The following GRTP1 variants were observed in gnomAD, a reference collection of about 807,000 sequenced individuals.
The protein encoded by GRTP1 is growth hormone regulated TBC protein 1, also known as growth hormone-regulated TBC protein 1.
In GRTP1, 56 loss-of-function variants were observed where a neutral mutation model predicts 38.1. The ratio of observed to expected loss-of-function variants is 1.47; its 90% confidence interval spans 1.19 to 1.84. GRTP1 has a LOEUF of 1.84. GRTP1 is among the 40% of genes most tolerant of loss of function. The pLI is 0.00. For missense variants in GRTP1, 506 were observed against 453.9 expected, an observed-to-expected ratio of 1.11 and a Z score of -1.04; for synonymous variants, 217 against 189.5, an observed-to-expected ratio of 1.14 and a Z score of -1.19.
intron 5 of GRTP1, among the ~76,000 whole-genome samples, chr13:113,336,837 G>C (rs534183007): frequency 5.1e-4 from 77 of 152,074 alleles, no homozygotes; most frequent in African/African-American, 1.8e-3. Context: ...GATGCGTGAG[G>C]GTGAGAGGGC....
intron 5 of GRTP1, among the ~76,000 whole-genome samples, chr13:113,334,286 TCCCGCCCACCCTGCACTGCTACGACA>T (rs2042925094): frequency 1.2e-4 from 12 of 102,532 alleles, no homozygotes; most frequent in African/African-American, 3.1e-4. Context: ...CACGACAGCC[TCCCGCCCACCCTGCACTGCTACGACA>T]GCCTCCCGCT....
intron 4 of GRTP1, 115 bp from the exon 5 acceptor site, chr13:113,345,074 C>T: frequency 2.6e-6 from 3 of 1,161,080 alleles, no homozygotes; most frequent in Non-Finnish European, 2.3e-6. Context: ...CTCCTTAAAA[C>T]CTGCATAATT....
At chr13:113,361,845 A>G (rs757232748) in intron 2 of GRTP1, 4 of 152,222 alleles carry the variant, frequency 2.6e-5, no homozygotes, top group Admixed American at 6.5e-5. Flanking sequence ...TAAAATTAAA[A>G]GACAGTTAAC....
chr13:113,345,319 A>G (rs2043085177), intron 4 of GRTP1, among the ~76,000 whole-genome samples: 1 of 152,274 alleles, frequency 6.6e-6, no homozygotes, highest in Admixed American at 6.5e-5. Flanking sequence ...TGCCAGAGAG[A>G]AAATTATACC....
At chr13:113,346,913 C>T (rs866314982) in intron 4 of GRTP1, among the ~76,000 whole-genome samples, 4 of 638 alleles carry the variant, frequency 6.3e-3, no homozygotes, top group African/African-American at 7.6e-3. Context: ...TGGCTGAGAG[C>T]GGACCTGGGA....
intron 5 of GRTP1, among the ~76,000 whole-genome samples, chr13:113,331,283 A>C (rs956980750): frequency 1.3e-5 from 2 of 152,174 alleles, no homozygotes; most frequent in African/African-American, 4.8e-5. Context: ...GAGCCACAGG[A>C]TTGACCATGG....
chr13:113,326,620 G>A (rs879565096), intron 5 of GRTP1, among the ~76,000 whole-genome samples: 12 of 151,392 alleles, frequency 7.9e-5, no homozygotes, highest in Non-Finnish European at 1.3e-4. Flanking sequence ...GCAGTGGGCC[G>A]AGATCACACC....
intron 5 of GRTP1, among the ~76,000 whole-genome samples, chr13:113,336,076 GCCA>G (rs1168824351): frequency 6.6e-6 from 1 of 152,196 alleles, no homozygotes; most frequent in Non-Finnish European, 1.5e-5. Context: ...ACAGGCGACA[GCCA>G]CCACGCCTGG....
At chr13:113,346,039 TGTGGCCG>T (rs2043105250) in intron 4 of GRTP1, among the ~76,000 whole-genome samples, 1 of 86,702 alleles carries the variant, frequency 1.2e-5, no homozygotes, top group Non-Finnish European at 2.5e-5. Context: ...GGAAGACATC[TGTGGCCG>T]AGAGCAGACC....
At chr13:113,344,317 G>GGA (rs2043067063) in intron 5 of GRTP1, among the ~76,000 whole-genome samples, 1 of 152,180 alleles carries the variant, frequency 6.6e-6, no homozygotes, top group Non-Finnish European at 1.5e-5. Context: ...GACGGCAAAA[G>GGA]GCCCTCTGCC....
chr13:113,349,744 G>A lies in GRTP1; in HGVS notation c.465+1105C>T, dbSNP rs1462255219. Among the ~76,000 whole-genome samples the A allele has an allele frequency of 1.3e-5, 2 of 152,172 alleles. No individual in the cohort carries two copies. Among genetic ancestry groups the A allele is most frequent in the Non-Finnish European group, 2.9e-5 (2 of 68,032 alleles). On this transcript the variant is annotated intron_variant, in intron 4 of 7. Coordinates refer to ENST00000375431, the MANE Select transcript of GRTP1 (RefSeq NM_024719.4). The surrounding 1 kb of genome is among the most constrained non-coding windows in gnomAD (Gnocchi z 5.0). ...TCCTCGGGAGCATTCACTCTGCCAGGTGCCAGGCCCAGGGCTGTCCAGGCA... is the reference window on the plus strand; with the variant it reads ...TCCTCGGGAGCATTCACTCTGCCAGATGCCAGGCCCAGGGCTGTCCAGGCA...
At chr13:113,346,486 G>GGCAAAGAGCAGACCCAGGAGGA (rs1566430294) in intron 4 of GRTP1, among the ~76,000 whole-genome samples, 10 of 11,470 alleles carry the variant, frequency 8.7e-4, no homozygotes, top group African/African-American at 9.7e-4. Context: ...GGACCTCTGT[G>GGCAAAGAGCAGACCCAGGAGGA]CCTGACAGTG....
chr13:113,336,671 G>A (rs1030337466), intron 5 of GRTP1, among the ~76,000 whole-genome samples: 2 of 152,110 alleles, frequency 1.3e-5, no homozygotes, highest in African/African-American at 2.4e-5. Flanking sequence ...CTGGGAACAC[G>A]AGACCCCACC....
intron 5 of GRTP1, among the ~76,000 whole-genome samples, chr13:113,329,847 T>C (rs975183034): frequency 2.0e-5 from 3 of 152,200 alleles, no homozygotes; most frequent in Non-Finnish European, 4.4e-5. Flanking sequence ...ATTAACACAA[T>C]GGAAGTGACT....
intron 5 of GRTP1, among the ~76,000 whole-genome samples, chr13:113,333,339 A>C (rs1380695720): frequency 2.0e-5 from 3 of 152,164 alleles, no homozygotes; most frequent in African/African-American, 7.2e-5. Context: ...AGCACAGAGC[A>C]GTGTGGTCAC....
chr13:113,355,175 T>C, intron 3 of GRTP1, 148 bp downstream of exon 3: 1 of 752,646 alleles, frequency 1.3e-6, no homozygotes. Flanking sequence ...GGCTTCAGTT[T>C]TGATTCTTTC....
chr13:113,339,431 A>T (rs9577237), intron 5 of GRTP1: 1 of 152,082 alleles, frequency 6.6e-6, no homozygotes, highest in African/African-American at 2.4e-5. Context: ...CTACTCCCAC[A>T]TGACACGACT....
rs943165589 is a variant in GRTP1 at position 113,327,207 on chromosome 13, C to T, written c.563-1116G>A. On this transcript the variant is annotated intron_variant, in intron 5 of 7. Coordinates refer to ENST00000375431, the MANE Select transcript of GRTP1 (RefSeq NM_024719.4). ...TACATTTTTTTTTGAGACGGAGTCT[C>T]GCTCTGTCACCGAGGCTGGAATGTA... is the stretch of plus-strand genomic sequence containing the variant. 3.9e-5 allele frequency among the ~76,000 whole-genome samples: 6 copies of T among 152,248 alleles called. No individual in the cohort carries two copies. The East Asian group carries it at 5.8e-4, about 15-fold the overall frequency.
intron 3 of GRTP1, among the ~76,000 whole-genome samples, chr13:113,352,359 T>TA (rs1566438053): frequency 1.1e-3 from 14 of 12,282 alleles, no homozygotes; most frequent in East Asian, 3.9e-3. Context: ...TTATATATAT[T>TA]TTATATATAT....
Sources: allele counts gnomAD v4.1 joint callset (sites outside exome capture counted in the v4.1 genomes callset), GRCh38; gene constraint gnomAD v4.1.1; non-coding constraint Gnocchi (gnomAD v3.1); transcripts MANE v1.5; gene names NCBI Gene and HGNC (gene_info 2026-07-23, HGNC 2026-07-21).